HLA-C: variants seen among roughly 807,000 people sequenced by gnomAD.
HLA-C encodes the protein major histocompatibility complex, class I, C.
HLA-C carries 15 observed loss-of-function variants against 36.9 expected under a neutral mutation model. The ratio of observed to expected loss-of-function variants is 0.41; its 90% confidence interval spans 0.27 to 0.63. HLA-C has a LOEUF of 0.63. HLA-C is among the 20% of genes least tolerant of loss of function. The pLI, the probability that HLA-C is intolerant of heterozygous loss-of-function variation, is 0.35. For missense variants in HLA-C, 272 were observed against 400.4 expected (o/e 0.68, Z 2.74); for synonymous variants, 104 against 174.3 (o/e 0.60, Z 3.18).
chr6:31,272,082 G>T, exon 1 of HLA-C: 1 of 998,248 alleles, frequency 1.0e-6, no homozygotes. Flanking sequence ...CTCGGCCTCT[G>T]GGGAGAATGT....
chr6:31,269,310 C>T lies in HLA-C; in HGVS notation c.1096+28G>A, dbSNP rs17885557. 2.9e-5 allele frequency: 25 copies of T among 863,842 alleles called. 9 individuals are homozygous for T. Among genetic ancestry groups the T allele is most frequent in the Non-Finnish European group, 3.5e-5 (23 of 655,330 alleles). 53.5% of individuals were successfully genotyped at this position (863,842 alleles called of 1,614,324 possible). A position where few individuals can be genotyped will look rare whatever the true frequency, so the allele number is the denominator to read the frequency against. On this transcript the variant is annotated intron_variant, in intron 7 of 7. Coordinates refer to ENST00000376228, the Ensembl canonical transcript of HLA-C. ...AGGCCTTTTCCCTCTGCCCCACCCC[C>T]GACCACTTCAGCTCCCCAGAATCTC...
Position 31,270,010 on chromosome 6 carries a change from A to T in HLA-C, c.971T>A (p.Leu324His). 2.4e-6 allele frequency: 2 copies of T among 835,076 alleles called. 1 individual carries two copies. The highest frequency in any genetic ancestry group is 3.0e-6 in the Non-Finnish European group (2 of 662,596). 51.7% of individuals were successfully genotyped at this position (835,076 alleles called of 1,614,324 possible). A position where few individuals can be genotyped will look rare whatever the true frequency, so the allele number is the denominator to read the frequency against. The change falls in exon 5 of 8, where the codon CTT (leucine) becomes CAT (histidine). Residue 324 changes from leucine to histidine, a missense_variant. Coordinates refer to ENST00000376228, the Ensembl canonical transcript of HLA-C. ...CATCATAGCGGTGACCACAGCTCCA[A>T]GGACAGCTAGGACAACCAGGACAGC...
In HLA-C at chr6:31,271,179, CA is replaced by C; in HGVS notation, c.512del (p.Leu171TrpfsTer10). Reference sequence around the variant, plus strand: ...GCTGCTCCGCCGCACGGGCCGCCTCCAACTTGCGCTGGGTGATCTGAGCCGC... The same window carrying C: ...GCTGCTCCGCCGCACGGGCCGCCTCCACTTGCGCTGGGTGATCTGAGCCGC... On this transcript the variant is annotated frameshift_variant, in exon 3 of 8. Transcript: ENST00000376228. LOFTEE classifies it high-confidence loss of function. 1 of 1,023,644 alleles carries C rather than the reference CA, an allele frequency of 9.8e-7. No individual in the cohort carries two copies. 63.4% of individuals were successfully genotyped at this position (1,023,644 alleles called of 1,614,324 possible).
At chr6:31,269,017 G>A (rs1273542601) in exon 8 of HLA-C, 92 of 698,042 alleles carry the variant, frequency 1.3e-4, no homozygotes, top group African/African-American at 6.0e-4. Flanking sequence ...GGTGGACACG[G>A]GGGTGGGCTG....
In HLA-C at chr6:31,271,586, C is replaced by T. The variant is rs41546813; in HGVS notation, c.343+13G>A. The T allele has an allele frequency of 5.2e-3, 6,384 of 1,222,014 alleles. 416 individuals carry two copies. Among genetic ancestry groups the T allele is most frequent in the Middle Eastern group, 0.038 (151 of 3,990 alleles). 75.7% of individuals were successfully genotyped at this position (1,222,014 alleles called of 1,614,324 possible). ...AGGGGTCGTGACCTGCGCCCCGGGC[C>T]GGGGTCACTCACCGTCCTCGCTCTG... On this transcript the variant is annotated intron_variant, in intron 2 of 7. Transcript: ENST00000376228.
Position 31,271,862 on chromosome 6 carries a change from TG to T in HLA-C, c.79del (p.His27ThrfsTer3). 3 of 1,272,354 alleles carry T rather than the reference TG, an allele frequency of 2.4e-6. No individual in the cohort carries two copies. Among genetic ancestry groups the T allele is most frequent in the Non-Finnish European group, 3.1e-6 (3 of 958,540 alleles). The allele number at this position is 1,272,354 out of a possible 1,614,324, so 78.8% of individuals were successfully genotyped here. A position where few individuals can be genotyped will look rare whatever the true frequency, so the allele number is the denominator to read the frequency against. ...GGCGGTGTCGAAATACCTCATGGAG[TG>T]GGAGCCTGGGGGCGAGGAGGGGCTG... On this transcript the variant is annotated frameshift_variant, in exon 2 of 8. Transcript: ENST00000376228. LOFTEE classifies it high-confidence loss of function.
rs41549515 is a variant in HLA-C, at chr6:31,270,812, T to C, written c.619+261A>G. On this transcript the variant is annotated intron_variant, in intron 3 of 7. Coordinates refer to ENST00000376228, the Ensembl canonical transcript of HLA-C. ...AGGTCAGCAGCCTGACCACAGCTGC[T>C]GCAGTGGTCAAAGTGGTCAAAGGAG... 1,707 of 312,868 alleles carry C rather than the reference T, an allele frequency of 5.5e-3. 267 individuals carry two copies. The highest frequency in any genetic ancestry group is 0.026 in the African/African-American group (458 of 17,768). 19.4% of individuals were successfully genotyped at this position (312,868 alleles called of 1,614,324 possible). A position where few individuals can be genotyped will look rare whatever the true frequency, so the allele number is the denominator to read the frequency against.
chr6:31,271,014 G>T (rs1269296855), intron 3 of HLA-C, 59 bp downstream of exon 3: 16 of 852,476 alleles, frequency 1.9e-5, no homozygotes, highest in Admixed American at 7.3e-5. Context: ...CCCTCCTCGT[G>T]GGAGGCCATC....
exon 8 of HLA-C, chr6:31,269,123 G>A (rs1049853): frequency 0.033 from 43,736 of 1,323,040 alleles, 2,525 homozygotes; most frequent in Admixed American, 0.067. Flanking sequence ...TCACAAAGGA[G>A]AGGTGTGAAG....
rs774363497 is a variant in HLA-C at position 31,270,014 on chromosome 6, C to T, written c.967G>A (p.Val323Ile). Residue 323 changes from valine to isoleucine, a missense_variant, in exon 5 of 8, where the codon GTC becomes ATC. Val to Ile is a conservative substitution (Grantham distance 29). Transcript: ENST00000376228. ...ATAGCGGTGACCACAGCTCCAAGGACAGCTAGGACAACCAGGACAGCCAGG... is the reference window on the plus strand; with the variant it reads ...ATAGCGGTGACCACAGCTCCAAGGATAGCTAGGACAACCAGGACAGCCAGG... The T allele has an allele frequency of 3.6e-5, 30 of 834,898 alleles. 11 individuals carry two copies. The highest frequency in any genetic ancestry group is 3.6e-5 in the Non-Finnish European group (24 of 662,562). 51.7% of individuals were successfully genotyped at this position (834,898 alleles called of 1,614,324 possible).
Position 31,271,038 on chromosome 6 carries a change from A to G in HLA-C, c.619+35T>C, listed in dbSNP as rs41544212. 8.5e-3 allele frequency: 7,208 copies of G among 847,406 alleles called. 730 individuals are homozygous for G. The highest frequency in any genetic ancestry group is 0.059 in the East Asian group (784 of 13,394). 52.5% of individuals were successfully genotyped at this position (847,406 alleles called of 1,614,324 possible). A position where few individuals can be genotyped will look rare whatever the true frequency, so the allele number is the denominator to read the frequency against. On this transcript the variant is annotated intron_variant, in intron 3 of 7. Coordinates refer to ENST00000376228, the Ensembl canonical transcript of HLA-C. The stretch of plus-strand genomic sequence containing the variant: ...TGGGAGGCCATCCCGGGAGATCTAT[A>G]GGAGATGGGGAAGGCTCCCCACTGC...
intron 5 of HLA-C, chr6:31,269,756 C>T: frequency 3.3e-6 from 1 of 302,050 alleles, no homozygotes; most frequent in Non-Finnish European, 5.1e-6. Context: ...AATCAGGACC[C>T]CAACACCATA....
chr6:31,269,364 G>A (rs1761119082), exon 7 of HLA-C: 1 of 881,456 alleles, frequency 1.1e-6, no homozygotes. Context: ...AGACTCATCA[G>A]AGCCCTGGGC....
In HLA-C at chr6:31,271,887, T is replaced by A. The variant is rs1000365116; in HGVS notation, c.74-19A>T. The stretch of plus-strand genomic sequence containing the variant: ...TGGGAGCCTGGGGGCGAGGAGGGGC[T>A]GAGACCCGCCCGACCCACCTCCCTG... On this transcript the variant is annotated intron_variant, in intron 1 of 7. Transcript: ENST00000376228. 1 of 1,246,866 alleles carries A rather than the reference T, an allele frequency of 8.0e-7. No homozygotes were observed. The allele number at this position is 1,246,866 out of a possible 1,614,324, so 77.2% of individuals were successfully genotyped here.
At chr6:31,269,782 C>T (rs1761147129) in intron 5 of HLA-C, 184 bp downstream of exon 5, 1 of 306,348 alleles carries the variant, frequency 3.3e-6, no homozygotes, top group Non-Finnish European at 5.0e-6. Context: ...CAAGGTGATA[C>T]ATCCGTCCTT....
chr6:31,268,771 T>C (rs898311594), exon 8 of HLA-C: 4 of 212,368 alleles, frequency 1.9e-5, no homozygotes, highest in African/African-American at 9.4e-5. Flanking sequence ...CTCAGGTCTT[T>C]ATTTGCTCTC....
chr6:31,271,132 G>T lies in HLA-C; in HGVS notation c.560C>A (p.Thr187Lys), dbSNP rs1050686. 5.9e-3 allele frequency: 6,485 copies of T among 1,100,608 alleles called. 195 individuals carry two copies. Among genetic ancestry groups the T allele is most frequent in the African/African-American group, 0.024 (790 of 33,564 alleles). The allele number at this position is 1,100,608 out of a possible 1,614,324, so 68.2% of individuals were successfully genotyped here. Residue 187 changes from threonine to lysine, a missense_variant, in exon 3 of 8, where the codon ACG (threonine) becomes AAG (lysine). Physicochemically the swap from Thr to Lys is moderately conservative, Grantham distance 78 (BLOSUM62 -1). Transcript: ENST00000376228. ...GTATCTGCGGAGCCACTCCACGCACGTGCCCTCCAGGTAGGCTCTCAGCTG... is the reference window on the plus strand; with the variant it reads ...GTATCTGCGGAGCCACTCCACGCACTTGCCCTCCAGGTAGGCTCTCAGCTG...
intron 7 of HLA-C, 71 bp from the exon 8 acceptor site, chr6:31,269,244 C>T (rs112392852): frequency 2.0e-6 from 2 of 984,306 alleles, no homozygotes; most frequent in Admixed American, 2.6e-5. Flanking sequence ...AACGGCCCAC[C>T]ACACACTCGA....
rs9264603 is a variant in HLA-C, at chr6:31,269,661, G to A, written c.1016-136C>T. ...GACCCAGGGCAGGATCAGGAAACATGGGGAAAGCAGTTGTGGGTTCTGGAC... is the reference window on the plus strand; with the variant it reads ...GACCCAGGGCAGGATCAGGAAACATAGGGAAAGCAGTTGTGGGTTCTGGAC... On this transcript the variant is annotated intron_variant, in intron 5 of 7. Coordinates refer to ENST00000376228, the Ensembl canonical transcript of HLA-C. 152 of 366,982 alleles carry A rather than the reference G, an allele frequency of 4.1e-4. 3 individuals carry two copies. Among genetic ancestry groups the A allele is most frequent in the Admixed American group, 2.1e-3 (39 of 18,256 alleles). The allele number at this position is 366,982 out of a possible 1,614,324, so 22.7% of individuals were successfully genotyped here.
Sources: gnomAD v4.1 joint callset for allele counts on GRCh38, gnomAD v4.1.1 for gene constraint, MANE v1.5 for transcripts, NCBI Gene and HGNC (gene_info 2026-07-23, HGNC 2026-07-21) for gene names.